Variants in FBN1 observed in about 807,000 individuals in gnomAD.
The protein encoded by FBN1 is fibrillin-1.
A neutral mutation model predicts 365.1 loss-of-function variants in FBN1; 29 were observed. That is an observed-to-expected ratio of 0.08 (90% CI 0.06 to 0.11). The LOEUF (loss-of-function observed/expected upper bound fraction) is 0.11. FBN1 is among the 10% of genes least tolerant of loss of function. The probability of loss-of-function intolerance (pLI) is 1.00; values close to 1 mark genes in which losing one functional copy is unlikely to be tolerated. For missense variants in FBN1, 2,476 were observed against 3,703.2 expected, an observed-to-expected ratio of 0.67 and a Z score of 8.60; for synonymous variants, 1,210 against 1,270.5, an observed-to-expected ratio of 0.95 and a Z score of 1.01.
At chr15:48,572,600 C>T (rs12915677) in intron 6 of FBN1, among the ~76,000 whole-genome samples, 29,000 of 150,946 alleles carry the variant, frequency 0.19, 2,840 homozygotes, top group East Asian at 0.28. Context: ...TTGTCTAAAA[C>T]GGCATTTTTA....
At chr15:48,426,560 T>G (rs987142169) in intron 58 of FBN1, among the ~76,000 whole-genome samples, 12 of 152,004 alleles carry the variant, frequency 7.9e-5, no homozygotes, top group Admixed American at 6.6e-5. Context: ...AACCACTGTC[T>G]TCCACATCTT....
At chr15:48,475,116 A>G (rs991622921) in intron 32 of FBN1, among the ~76,000 whole-genome samples, 1 of 151,950 alleles carries the variant, frequency 6.6e-6, no homozygotes, top group Admixed American at 6.6e-5. Context: ...CTATATATAA[A>G]ATATATTTTA....
At chr15:48,631,219 G>A (rs1435949077) in intron 2 of FBN1, among the ~76,000 whole-genome samples, 1 of 151,998 alleles carries the variant, frequency 6.6e-6, no homozygotes, top group Non-Finnish European at 1.5e-5. Flanking sequence ...AGAGAAAGAG[G>A]ACACAGAAGA....
intron 6 of FBN1, among the ~76,000 whole-genome samples, chr15:48,560,295 A>T (rs11858890): frequency 0.12 from 17,739 of 152,202 alleles, 1,220 homozygotes; most frequent in Non-Finnish European, 0.15. Context: ...CTGGTTGGTG[A>T]TGGGCTTTAC....
At chr15:48,446,654 G>T (rs1272777405) in intron 47 of FBN1, 52 bp downstream of exon 47, 5 of 1,031,048 alleles carry the variant, frequency 4.8e-6, no homozygotes, top group Non-Finnish European at 6.2e-6. Flanking sequence ...TAATTACAAA[G>T]AACACATATA....
chr15:48,448,352 C>G (rs1283295434), intron 46 of FBN1, among the ~76,000 whole-genome samples: 1 of 152,076 alleles, frequency 6.6e-6, no homozygotes, highest in African/African-American at 2.4e-5. Context: ...AAATGATTAA[C>G]TTTTCTTTGC....
chr15:48,475,652 G>A (rs1467568627), intron 32 of FBN1, among the ~76,000 whole-genome samples: 1 of 152,160 alleles, frequency 6.6e-6, no homozygotes, highest in Non-Finnish European at 1.5e-5. Context: ...AACACTGCAA[G>A]AATTTCCAGT....
At chr15:48,579,700 C>T (rs1469970322) in intron 6 of FBN1, among the ~76,000 whole-genome samples, 1 of 152,170 alleles carries the variant, frequency 6.6e-6, no homozygotes, top group Non-Finnish European at 1.5e-5. Flanking sequence ...CATCCCTTCA[C>T]AAAGTGAAAA....
chr15:48,412,797 G>A, intron 64 of FBN1, 54 bp from the exon 65 acceptor site: 2 of 1,602,260 alleles, frequency 1.2e-6, no homozygotes, highest in Non-Finnish European at 1.7e-6. Context: ...AGACAAGGTA[G>A]GTGGTACAAG....
At chr15:48,542,616 T>C (rs891631189) in intron 6 of FBN1, among the ~76,000 whole-genome samples, 2 of 152,206 alleles carry the variant, frequency 1.3e-5, no homozygotes, top group East Asian at 1.9e-4. Context: ...TAGGACATAA[T>C]AGAATCACTT....
intron 2 of FBN1, among the ~76,000 whole-genome samples, chr15:48,621,832 C>CAA (rs764161767): frequency 1.7e-4 from 20 of 114,864 alleles, no homozygotes; most frequent in African/African-American, 5.3e-4. Flanking sequence ...ACTAAAAATA[C>CAA]AAAAAAAAAA....
rs2043162291 is a variant in FBN1 at position 48,446,717 on chromosome 15, T to C, written c.5777A>G (p.Asn1926Ser). The C allele has an allele frequency of 4.3e-6, 7 of 1,609,958 alleles. No individual in the cohort carries two copies. The highest frequency in any genetic ancestry group is 6.0e-6 in the Non-Finnish European group (7 of 1,176,250). ...TTTTGCACACGCACCTATACAGTCA[T>C]TGTTGTGAGAAAGGATGAAACCATG... ...CNHGFILSHN[N>S]DCIDVDECAS... The change falls in exon 47 of 66, where the codon AAT becomes AGT. Residue 1926 changes from asparagine (N) to serine (S), a missense_variant. Physicochemically the swap from Asn to Ser is conservative, Grantham distance 46. Transcript: ENST00000316623.
intron 60 of FBN1, among the ~76,000 whole-genome samples, chr15:48,423,975 C>A (rs1216189979): frequency 1.3e-5 from 2 of 151,858 alleles, no homozygotes; most frequent in East Asian, 3.9e-4. Flanking sequence ...ATTTTCTGCC[C>A]CCAGAGGTTA....
intron 6 of FBN1, among the ~76,000 whole-genome samples, chr15:48,562,897 T>A (rs1367227232): frequency 6.6e-6 from 1 of 152,212 alleles, no homozygotes; most frequent in Non-Finnish European, 1.5e-5. Flanking sequence ...ACATTCTAAA[T>A]CTAATTTTCA....
At chr15:48,463,595 T>C (rs2043297618) in intron 41 of FBN1, among the ~76,000 whole-genome samples, 1 of 152,222 alleles carries the variant, frequency 6.6e-6, no homozygotes, top group Admixed American at 6.5e-5. Flanking sequence ...TTTAATACTG[T>C]AGGTCAGCAC....
At chr15:48,500,288 T>G (rs978190290) in intron 17 of FBN1, among the ~76,000 whole-genome samples, 2 of 152,256 alleles carry the variant, frequency 1.3e-5, no homozygotes, top group Non-Finnish European at 2.9e-5. Flanking sequence ...ATGACAATTT[T>G]GCTGATGTTT....
intron 60 of FBN1, among the ~76,000 whole-genome samples, chr15:48,424,213 T>G (rs2042962447): frequency 6.6e-6 from 1 of 152,180 alleles, no homozygotes; most frequent in African/African-American, 2.4e-5. Flanking sequence ...TGTAAGTAGG[T>G]CTCTCAACTT....
In FBN1 at chr15:48,488,247, C is replaced by T. The variant is rs942309418; in HGVS notation, c.3209-6G>A. On this transcript the variant is annotated splice_polypyrimidine_tract_variant and splice_region_variant and intron_variant, in intron 26 of 65. Coordinates refer to ENST00000316623, the MANE Select transcript of FBN1 (RefSeq NM_000138.5). The stretch of plus-strand genomic sequence containing the variant: ...TATGCGGCATTCGTCAATGTCTGCA[C>T]AAAAACAGCAAGTGGCAGCAAATGA... 3 of 1,614,076 alleles carry T rather than the reference C, an allele frequency of 1.9e-6. No homozygotes were observed. The highest frequency in any genetic ancestry group is 1.3e-5 in the African/African-American group (1 of 74,922).
rs2043569547 is a variant in FBN1 at position 48,492,557 on chromosome 15, C to T, written c.2758G>A (p.Val920Met). The T allele has an allele frequency of 1.9e-6, 3 of 1,608,536 alleles. No homozygotes were observed. Among genetic ancestry groups the T allele is most frequent in the Non-Finnish European group, 2.6e-6 (3 of 1,175,456 alleles). ...TTAACACACAGGCCATTTTTACACACTCCTGGGAACACTTCACATTCATCT... is the reference window on the plus strand; with the variant it reads ...TTAACACACAGGCCATTTTTACACATTCCTGGGAACACTTCACATTCATCT... ...DIDECEVFPG[V>M]CKNGLCVNTR... Residue 920 changes from valine to methionine, a missense_variant, in exon 24 of 66, where the codon GTG (valine) becomes ATG (methionine). Physicochemically the swap from Val to Met is conservative, Grantham distance 21. This residue lies in a region of FBN1 where 1,780 missense variants were observed against 2,840.8 expected (regional missense o/e 0.63). Coordinates refer to ENST00000316623, the MANE Select transcript of FBN1 (RefSeq NM_000138.5).
Sources: gnomAD v4.1 joint callset for allele counts (sites outside exome capture counted in the v4.1 genomes callset) on GRCh38, gnomAD v4.1.1 for gene constraint, gnomAD v4.1.1 regional missense constraint, MANE v1.5 for transcripts, NCBI Gene and HGNC (gene_info 2026-07-23, HGNC 2026-07-21) for gene names.